The following UBE3C variants were observed in gnomAD, a reference collection of about 807,000 sequenced individuals.
The protein encoded by UBE3C is ubiquitin protein ligase E3C.
UBE3C carries 42 observed loss-of-function variants against 129.4 expected under a neutral mutation model. That is an observed-to-expected ratio of 0.32 (90% confidence interval 0.25 to 0.42). The LOEUF is 0.42. Among genes scored for constraint, UBE3C ranks in the 10% least tolerant of loss-of-function variants. UBE3C has a pLI of 1.00. For missense variants in UBE3C, 1,049 were observed against 1,319.1 expected (o/e 0.80, Z 3.17); for synonymous variants, 510 against 492.4 (o/e 1.04, Z -0.47).
At chr7:157,162,036 C>G in intron 1 of UBE3C, among the ~76,000 whole-genome samples, 1 of 151,856 alleles carries the variant, frequency 6.6e-6, no homozygotes, top group Non-Finnish European at 1.5e-5. Context: ...CCACTACACT[C>G]CAGCCCTGGG....
intron 15 of UBE3C, 138 bp from the exon 16 acceptor site, chr7:157,223,116 C>T (rs1274942147): frequency 6.1e-6 from 5 of 821,018 alleles, no homozygotes; most frequent in African/African-American, 3.4e-5. Context: ...CTGCCTGAGG[C>T]GGGGATGTGT....
At chr7:157,172,110 G>A (rs552423954) in intron 4 of UBE3C, among the ~76,000 whole-genome samples, 38 of 150,664 alleles carry the variant, frequency 2.5e-4, no homozygotes, top group African/African-American at 3.4e-4. Context: ...TCAGCTCACC[G>A]CAACCTCGCC....
chr7:157,162,499 T>C (rs1176494453), intron 1 of UBE3C, among the ~76,000 whole-genome samples: 1 of 151,760 alleles, frequency 6.6e-6, no homozygotes, highest in South Asian at 2.1e-4. Context: ...AGCCTAAATT[T>C]ATTTTTTTGT....
intron 1 of UBE3C, among the ~76,000 whole-genome samples, chr7:157,147,269 C>T (rs1452288941): frequency 1.3e-5 from 2 of 152,076 alleles, no homozygotes; most frequent in South Asian, 2.1e-4. Flanking sequence ...TATACCTAAG[C>T]GTTTATTTTT....
At chr7:157,231,919 G>A (rs567752988) in intron 18 of UBE3C, 3 of 152,364 alleles carry the variant, frequency 2.0e-5, no homozygotes, top group South Asian at 2.1e-4. Flanking sequence ...CACTCTTTGG[G>A]GGGGGAGGGA....
chr7:157,228,348 C>T (rs767947992), intron 17 of UBE3C, among the ~76,000 whole-genome samples: 16 of 152,168 alleles, frequency 1.1e-4, no homozygotes, highest in Admixed American at 2.0e-4. Flanking sequence ...TGGGAGAAAC[C>T]GTCACATTCC....
chr7:157,170,194 C>G, intron 3 of UBE3C, 110 bp from the exon 4 acceptor site: 2 of 914,400 alleles, frequency 2.2e-6, no homozygotes, highest in South Asian at 4.1e-5. Context: ...ATGGTGTTTT[C>G]GTTGTCAATT....
At chr7:157,166,743 A>G (rs1251257351) in intron 2 of UBE3C, among the ~76,000 whole-genome samples, 2 of 152,132 alleles carry the variant, frequency 1.3e-5, no homozygotes, top group Non-Finnish European at 2.9e-5. Flanking sequence ...AAAAAAAAAA[A>G]AAAAAATCAA....
At chr7:157,164,146 G>A (rs1808149934) in intron 2 of UBE3C, among the ~76,000 whole-genome samples, 1 of 151,888 alleles carries the variant, frequency 6.6e-6, no homozygotes, top group South Asian at 2.1e-4. Context: ...TAAATATAAT[G>A]TTCATATTTC....
chr7:157,183,160 T>C (rs969202818), intron 8 of UBE3C, among the ~76,000 whole-genome samples: 2 of 152,170 alleles, frequency 1.3e-5, no homozygotes, highest in Non-Finnish European at 2.9e-5. Flanking sequence ...CTAGGTATTC[T>C]ACAATTCAGT....
chr7:157,239,128 G>GTACC (rs1221959767), intron 18 of UBE3C, among the ~76,000 whole-genome samples: 2 of 152,146 alleles, frequency 1.3e-5, no homozygotes, highest in Non-Finnish European at 1.5e-5. Context: ...AGAGAAATGT[G>GTACC]TACCTATTAA....
intron 13 of UBE3C, among the ~76,000 whole-genome samples, chr7:157,209,252 C>T (rs775428461): frequency 2.3e-4 from 35 of 152,200 alleles, no homozygotes; most frequent in Non-Finnish European, 1.0e-4. Context: ...TTTTACAACA[C>T]ATTTCTCTTA....
intron 17 of UBE3C, among the ~76,000 whole-genome samples, chr7:157,225,874 C>T (rs1017099898): frequency 6.6e-6 from 1 of 152,124 alleles, no homozygotes; most frequent in African/African-American, 2.4e-5. Flanking sequence ...TGGCTTGAGC[C>T]TGGGAAGTGA....
rs1311653964 is a variant in UBE3C at position 157,269,137 on chromosome 7, GAAATA to G, written c.*1389_*1393del. ...ATGCTATTTGTAGTCTTGATATACA[GAAATA>G]AAATAATTAGGGTTGGTCTTTTTTA... On this transcript the variant is annotated 3_prime_UTR_variant, in exon 23 of 23. Transcript: ENST00000348165. 6 of 152,582 alleles carry G rather than the reference GAAATA, an allele frequency of 3.9e-5. No homozygotes were observed. Among genetic ancestry groups the G allele is most frequent in the East Asian group, 1.9e-4 (1 of 5,202 alleles). The allele number at this position is 152,582 out of a possible 1,614,324, so 9.5% of individuals were successfully genotyped here. A position where few individuals can be genotyped will look rare whatever the true frequency, so the allele number is the denominator to read the frequency against.
Position 157,187,584 on chromosome 7 carries a change from G to GTT in UBE3C, c.1331+573_1331+574dup, listed in dbSNP as rs11406459. On this transcript the variant is annotated intron_variant, in intron 10 of 22. Coordinates refer to ENST00000348165, the MANE Select transcript of UBE3C (RefSeq NM_014671.3). ...TTGTGTGTGTGTGTGTTTGTTTTTTGTTTTTTTTTTTGAGATGGAGTCTTG... is the reference window on the plus strand; with the variant it reads ...TTGTGTGTGTGTGTGTTTGTTTTTTGTTTTTTTTTTTTTGAGATGGAGTCTTG... 8.3e-3 allele frequency among the ~76,000 whole-genome samples: 1,188 copies of GTT among 142,484 alleles called. 13 individuals are homozygous for GTT. The highest frequency in any genetic ancestry group is 0.029 in the African/African-American group (1,131 of 38,974). The allele number at this position is 142,484 out of a possible 152,430, so 93.5% of individuals were successfully genotyped here. A position where few individuals can be genotyped will look rare whatever the true frequency, so the allele number is the denominator to read the frequency against.
At chr7:157,240,325 GAT>G (rs1796277957) in intron 18 of UBE3C, among the ~76,000 whole-genome samples, 1 of 152,176 alleles carries the variant, frequency 6.6e-6, no homozygotes, top group South Asian at 2.1e-4. Flanking sequence ...AAAGTGCTGG[GAT>G]TATGGGTGTG....
chr7:157,166,354 C>T (rs1173364099), intron 2 of UBE3C, among the ~76,000 whole-genome samples: 1 of 152,154 alleles, frequency 6.6e-6, no homozygotes. Flanking sequence ...AAAATACTTA[C>T]TCTTTGGTAA....
intron 22 of UBE3C, among the ~76,000 whole-genome samples, chr7:157,260,275 G>A (rs1563078787): frequency 1.3e-5 from 2 of 152,156 alleles, no homozygotes; most frequent in Non-Finnish European, 2.9e-5. Context: ...AGAAACTGAC[G>A]TAATGAAAGA....
chr7:157,161,888 G>A (rs1178468650), intron 1 of UBE3C, among the ~76,000 whole-genome samples: 2 of 151,812 alleles, frequency 1.3e-5, no homozygotes, highest in Admixed American at 1.3e-4. Context: ...CCTGGCCAAT[G>A]TGGCGAAAAC....
Sources: gnomAD v4.1 joint callset for allele counts (sites outside exome capture counted in the v4.1 genomes callset) on GRCh38, gnomAD v4.1.1 for gene constraint, MANE v1.5 for transcripts, NCBI Gene and HGNC (gene_info 2026-07-23, HGNC 2026-07-21) for gene names.